Variants in GABRR3 observed in about 807,000 individuals in gnomAD.
GABRR3 encodes gamma-aminobutyric acid receptor subunit rho-3.
In GABRR3, 29 loss-of-function variants were observed where a neutral mutation model predicts 43.2. The observed-to-expected ratio is 0.67, with a 90% CI of 0.50 to 0.92. The LOEUF (loss-of-function observed/expected upper bound fraction) is 0.92. GABRR3 is among the 40% of genes least tolerant of loss of function. The probability of loss-of-function intolerance (pLI) is 0.00; values close to 1 mark genes in which losing one functional copy is unlikely to be tolerated. For missense variants in GABRR3, 576 were observed against 572.3 expected, an observed-to-expected ratio of 1.01 and a Z score of -0.07; for synonymous variants, 206 against 195.9, an observed-to-expected ratio of 1.05 and a Z score of -0.43.
intron 8 of GABRR3, chr3:97,999,427 G>A (rs981912817): frequency 1.3e-5 from 2 of 152,204 alleles, no homozygotes; most frequent in East Asian, 3.9e-4. Context: ...CTGAACGCTT[G>A]TAGTATCTGA....
At chr3:98,029,604 C>A (rs534241430) in intron 2 of GABRR3, among the ~76,000 whole-genome samples, 2 of 152,084 alleles carry the variant, frequency 1.3e-5, no homozygotes, top group South Asian at 4.2e-4. Context: ...AGCCTGGAGG[C>A]CTACATATTT....
At chr3:97,991,736 G>T (rs1276957467) in intron 9 of GABRR3, among the ~76,000 whole-genome samples, 2 of 152,168 alleles carry the variant, frequency 1.3e-5, no homozygotes, top group Non-Finnish European at 2.9e-5. Flanking sequence ...ACTGGGGGCT[G>T]ACAGGAAGGT....
rs183356048 is a variant in GABRR3, at chr3:98,017,829, A to G, written c.239-107T>C. 3.2e-3 allele frequency: 2,379 copies of G among 746,802 alleles called. 6 individuals are homozygous for G. The highest frequency in any genetic ancestry group is 4.3e-3 in the Non-Finnish European group (2,024 of 467,228). The allele number at this position is 746,802 out of a possible 1,614,324, so 46.3% of individuals were successfully genotyped here. ...CTTGGACAGCAACTGAATTACTGTTAAAGTTTTTTTAAACAACAAATTTCT... is the reference window on the plus strand; with the variant it reads ...CTTGGACAGCAACTGAATTACTGTTGAAGTTTTTTTAAACAACAAATTTCT... On this transcript the variant is annotated intron_variant, in intron 3 of 9. Coordinates refer to ENST00000621172, the Ensembl canonical transcript of GABRR3.
intron 5 of GABRR3, among the ~76,000 whole-genome samples, chr3:98,011,583 CCTTAA>C (rs2107239026): frequency 6.6e-6 from 1 of 151,794 alleles, no homozygotes; most frequent in South Asian, 2.1e-4. Context: ...ATTTCAAGAT[CCTTAA>C]CTTAATCACG....
chr3:97,999,168 C>G (rs776270834), intron 8 of GABRR3: 3 of 152,056 alleles, frequency 2.0e-5, no homozygotes, highest in Non-Finnish European at 4.4e-5. Flanking sequence ...AAGACACCAA[C>G]AGTATAATGT....
intron 2 of GABRR3, among the ~76,000 whole-genome samples, chr3:98,027,442 T>C (rs1267191498): frequency 6.6e-6 from 1 of 152,252 alleles, no homozygotes; most frequent in Admixed American, 6.5e-5. Context: ...TCTTTGGTAA[T>C]AATCTTTTAA....
At chr3:98,034,144 A>T (rs1707123685) in intron 2 of GABRR3, among the ~76,000 whole-genome samples, 1 of 152,108 alleles carries the variant, frequency 6.6e-6, no homozygotes, top group Admixed American at 6.6e-5. Flanking sequence ...TTTCTCAAAG[A>T]CATTATTTGA....
intron 4 of GABRR3, among the ~76,000 whole-genome samples, chr3:98,014,465 T>C (rs1706850647): frequency 6.6e-6 from 1 of 152,204 alleles, no homozygotes; most frequent in South Asian, 2.1e-4. Flanking sequence ...GAAGTATCAG[T>C]AAAAGAGCTG....
At chr3:98,013,749 C>A (rs1265748709) in intron 4 of GABRR3, among the ~76,000 whole-genome samples, 1 of 152,056 alleles carries the variant, frequency 6.6e-6, no homozygotes, top group East Asian at 1.9e-4. Flanking sequence ...AGGGTGAGGG[C>A]AAATAAACAG....
At chr3:98,027,590 C>A (rs1347038410) in intron 2 of GABRR3, among the ~76,000 whole-genome samples, 2 of 152,234 alleles carry the variant, frequency 1.3e-5, no homozygotes, top group East Asian at 1.9e-4. Context: ...TGGCAGCGTG[C>A]GAAAGCACCT....
intron 3 of GABRR3, among the ~76,000 whole-genome samples, chr3:98,020,077 C>T (rs1429700073): frequency 2.0e-5 from 3 of 152,012 alleles, no homozygotes; most frequent in Non-Finnish European, 4.4e-5. Context: ...AGTAAATCTT[C>T]CCAATAATTC....
downstream of GABRR3, among the ~76,000 whole-genome samples, chr3:97,985,577 G>A (rs1313367852): frequency 6.6e-6 from 1 of 152,138 alleles, no homozygotes; most frequent in Admixed American, 6.5e-5. Context: ...TATGCACTTA[G>A]AGAAGGCAGG....
At chr3:97,989,790 G>T (rs1476012241) in intron 9 of GABRR3, among the ~76,000 whole-genome samples, 1 of 152,082 alleles carries the variant, frequency 6.6e-6, no homozygotes, top group African/African-American at 2.4e-5. Flanking sequence ...GAACATTCTT[G>T]TTTTGCCAGT....
chr3:98,019,940 C>G (rs1265211626), intron 3 of GABRR3, among the ~76,000 whole-genome samples: 1 of 152,160 alleles, frequency 6.6e-6, no homozygotes, highest in Non-Finnish European at 1.5e-5. Flanking sequence ...CACTATTATT[C>G]CTTCATAGGG....
intron 2 of GABRR3, among the ~76,000 whole-genome samples, chr3:98,026,850 G>A (rs1383920248): frequency 6.6e-6 from 1 of 152,146 alleles, no homozygotes; most frequent in African/African-American, 2.4e-5. Flanking sequence ...AGAATCTGGA[G>A]CAGCTGCTAA....
chr3:98,013,795 G>A (rs72918427), intron 4 of GABRR3, among the ~76,000 whole-genome samples: 3,460 of 152,298 alleles, frequency 0.023, 134 homozygotes, highest in African/African-American at 0.077. Flanking sequence ...AAGGAATTGT[G>A]TGGGTTACTG....
At chr3:97,996,298 A>T (rs574811381) in intron 8 of GABRR3, among the ~76,000 whole-genome samples, 2 of 152,354 alleles carry the variant, frequency 1.3e-5, no homozygotes, top group Admixed American at 1.3e-4. Context: ...AAGGAAAGGA[A>T]GGTGGCTTGA....
chr3:98,024,980 G>T (rs1706993311), intron 3 of GABRR3, among the ~76,000 whole-genome samples: 1 of 152,158 alleles, frequency 6.6e-6, no homozygotes, highest in South Asian at 2.1e-4. Context: ...ATGGCCTTGG[G>T]CAAATCTCTT....
chr3:98,000,781 T>C (rs1706628241), intron 8 of GABRR3: 3 of 152,182 alleles, frequency 2.0e-5, no homozygotes, highest in Admixed American at 1.3e-4. Flanking sequence ...CAAAATCAGA[T>C]AAAATGAGGG....
Sources: allele counts gnomAD v4.1 joint callset (sites outside exome capture counted in the v4.1 genomes callset), GRCh38; gene constraint gnomAD v4.1.1; transcripts MANE v1.5; gene names NCBI Gene and HGNC (gene_info 2026-07-23, HGNC 2026-07-21).